The following ARHGEF10 variants were observed in gnomAD, a reference collection of about 807,000 sequenced individuals.
The protein encoded by ARHGEF10 is Rho guanine nucleotide exchange factor 10.
Under a neutral mutation model 147.4 loss-of-function variants are expected in ARHGEF10, and 140 were observed. The observed-to-expected ratio is 0.95, with a 90% CI of 0.83 to 1.09. The LOEUF (loss-of-function observed/expected upper bound fraction) is 1.09. Ranked by LOEUF, ARHGEF10 falls within the 50% of genes least tolerant of loss-of-function variation. ARHGEF10 has a pLI of 0.00. For synonymous variants in ARHGEF10, 902 were observed against 695.8 expected, an observed-to-expected ratio of 1.30 and a Z score of -4.67; for missense variants, 2,222 against 1,752.7, an observed-to-expected ratio of 1.27 and a Z score of -4.78.
In ARHGEF10 at chr8:1,956,451, C is replaced by A. The variant is rs143808895; in HGVS notation, c.3521-298C>A. 2.5e-4 allele frequency among the ~76,000 whole-genome samples: 38 copies of A among 152,240 alleles called. 1 individual carries two copies. In the East Asian group the frequency reaches 6.8e-3, roughly 27 times the overall value. On this transcript the variant is annotated intron_variant, in intron 28 of 28. Transcript: ENST00000349830. Reference sequence around the variant, plus strand: ...TATTTTATGCAGAATGGAAAAATGACTATTTTATTACTTTGAAAAGTACAG... The same window carrying A: ...TATTTTATGCAGAATGGAAAAATGAATATTTTATTACTTTGAAAAGTACAG...
intron 2 of ARHGEF10, among the ~76,000 whole-genome samples, chr8:1,849,334 A>G (rs904782955): frequency 2.0e-5 from 3 of 151,398 alleles, no homozygotes; most frequent in Admixed American, 2.0e-4. Context: ...ACGTGGACAC[A>G]GACAGCAAAT....
intron 17 of ARHGEF10, 128 bp downstream of exon 17, chr8:1,905,844 T>A: frequency 8.3e-7 from 1 of 1,198,176 alleles, no homozygotes; most frequent in Non-Finnish European, 1.2e-6. Context: ...AGCTCTGTCC[T>A]GTGACTAAGG....
intron 18 of ARHGEF10, among the ~76,000 whole-genome samples, chr8:1,918,516 A>C (rs113630548): frequency 1.2e-4 from 18 of 148,384 alleles, no homozygotes; most frequent in African/African-American, 4.4e-4. Context: ...TATTTTAAAA[A>C]TGTTTATGTT....
intron 26 of ARHGEF10, among the ~76,000 whole-genome samples, chr8:1,934,758 A>G (rs1321548934): frequency 6.6e-6 from 1 of 152,246 alleles, no homozygotes; most frequent in Non-Finnish European, 1.5e-5. Context: ...GCAGTAGAAC[A>G]GTTTTATTAC....
intron 11 of ARHGEF10, among the ~76,000 whole-genome samples, 177 bp downstream of exon 11, chr8:1,885,884 G>T (rs1808616825): frequency 6.6e-6 from 1 of 152,218 alleles, no homozygotes; most frequent in Non-Finnish European, 1.5e-5. Flanking sequence ...GGCTCAGCAA[G>T]GGTCTGGGGG....
rs145146038 is a variant in ARHGEF10, at chr8:1,956,893, C to A, written c.3665C>A (p.Ala1222Glu). 125 of 1,614,052 alleles carry A rather than the reference C, an allele frequency of 7.7e-5. No homozygotes were observed. In the African/African-American group the frequency reaches 1.6e-3, roughly 20 times the overall value. The change falls in exon 29 of 29, where the codon GCA becomes GAA. Residue 1222 changes from alanine (A) to glutamate (E), a missense_variant. By Grantham distance (107) the Ala-to-Glu change is moderately radical (BLOSUM62 -1). Transcript: ENST00000349830. ...CCTCAGGACGAAGACCAGAAGGACG[C>A]ACTTCCGAGTGGAGGAGCTGGTTCA... ...PEPQDEDQKD[A>E]LPSGGAGSSL...
chr8:1,878,088 C>T (rs2033559048), intron 8 of ARHGEF10, among the ~76,000 whole-genome samples: 1 of 152,146 alleles, frequency 6.6e-6, no homozygotes, highest in South Asian at 2.1e-4. Flanking sequence ...AGCTCACCTA[C>T]CCAGTTTCAT....
At chr8:1,911,532 T>C (rs1359747397) in intron 18 of ARHGEF10, among the ~76,000 whole-genome samples, 1 of 152,228 alleles carries the variant, frequency 6.6e-6, no homozygotes, top group African/African-American at 2.4e-5. Context: ...TGGGGCTTTT[T>C]TCCGGCGTCA....
At chr8:1,835,717 G>C (rs1394002631) in intron 1 of ARHGEF10, among the ~76,000 whole-genome samples, 1 of 152,162 alleles carries the variant, frequency 6.6e-6, no homozygotes, top group Non-Finnish European at 1.5e-5. Flanking sequence ...CACAGGTGCG[G>C]GTGTGTCCCC....
At chr8:1,837,921 C>T (rs527593441) in intron 1 of ARHGEF10, among the ~76,000 whole-genome samples, 4 of 152,250 alleles carry the variant, frequency 2.6e-5, no homozygotes, top group Admixed American at 1.3e-4. Context: ...GGACACTGCT[C>T]CTCACTCTCA....
At chr8:1,832,981 G>C (rs1348858905) in intron 1 of ARHGEF10, among the ~76,000 whole-genome samples, 1 of 102,994 alleles carries the variant, frequency 9.7e-6, no homozygotes, top group Non-Finnish European at 2.0e-5. Flanking sequence ...GGCAGAGAGA[G>C]ACAGAGACAG....
At chr8:1,927,743 GTCTGTACTTTCACATAGTGAAACCCCA>G (rs1563297570) in intron 23 of ARHGEF10, among the ~76,000 whole-genome samples, 2 of 152,066 alleles carry the variant, frequency 1.3e-5, no homozygotes, top group African/African-American at 2.4e-5. Flanking sequence ...GTGAAACCCC[GTCTGTACTTTCACATAGTGAAACCCCA>G]TCTCTACTAA....
chr8:1,876,213 G>A, intron 7 of ARHGEF10: 1 of 322,834 alleles, frequency 3.1e-6, no homozygotes, highest in South Asian at 3.3e-5. Context: ...AAAACATCCT[G>A]TAAGTTTATA....
At chr8:1,918,054 C>G (rs1213108870) in intron 18 of ARHGEF10, among the ~76,000 whole-genome samples, 1 of 152,062 alleles carries the variant, frequency 6.6e-6, no homozygotes, top group Non-Finnish European at 1.5e-5. Flanking sequence ...TCCCAAAGTG[C>G]TGGGATTATA....
At chr8:1,842,994 A>G (rs1278489840) in intron 1 of ARHGEF10, among the ~76,000 whole-genome samples, 1 of 152,204 alleles carries the variant, frequency 6.6e-6, no homozygotes, top group Non-Finnish European at 1.5e-5. Flanking sequence ...GAAGAAACCC[A>G]TTTGGTTTAC....
intron 10 of ARHGEF10, among the ~76,000 whole-genome samples, chr8:1,885,036 A>G (rs2129131691): frequency 6.6e-6 from 1 of 152,278 alleles, no homozygotes; most frequent in African/African-American, 2.4e-5. Flanking sequence ...AAGTGCTGGG[A>G]TTAGGGGAGT....
At chr8:1,879,148 G>A (rs1807963706) in intron 8 of ARHGEF10, among the ~76,000 whole-genome samples, 1 of 152,190 alleles carries the variant, frequency 6.6e-6, no homozygotes, top group Admixed American at 6.5e-5. Context: ...TAAAGTGTCT[G>A]TGACATGAGA....
In ARHGEF10 at chr8:1,923,093, C is replaced by G; in HGVS notation, c.2259+14C>G. 6.5e-7 allele frequency: 1 copy of G among 1,549,828 alleles called. No homozygotes were observed. Among genetic ancestry groups the G allele is most frequent in the Non-Finnish European group, 8.9e-7 (1 of 1,123,204 alleles). On this transcript the variant is annotated intron_variant, in intron 19 of 28. Transcript: ENST00000349830. ...GGAAACTATCAGGTAACAATTGAAG[C>G]AATTGGATTTAAGATTCTGCCTTTA...
At chr8:1,872,162 C>A (rs1041556720) in intron 7 of ARHGEF10, among the ~76,000 whole-genome samples, 2 of 152,138 alleles carry the variant, frequency 1.3e-5, no homozygotes, top group African/African-American at 4.8e-5. Context: ...CTATAAATAA[C>A]TTTTTATCAA....
Sources: allele counts gnomAD v4.1 joint callset (sites outside exome capture counted in the v4.1 genomes callset), GRCh38; gene constraint gnomAD v4.1.1; transcripts MANE v1.5; gene names NCBI Gene and HGNC (gene_info 2026-07-23, HGNC 2026-07-21).